The following DLGAP2 variants were observed in gnomAD, a reference collection of about 807,000 sequenced individuals.
DLGAP2 encodes the protein disks large-associated protein 2.
DLGAP2 carries 26 observed loss-of-function variants against 100.3 expected under a neutral mutation model. That is an observed-to-expected ratio of 0.26 (90% CI 0.19 to 0.36). The LOEUF (loss-of-function observed/expected upper bound fraction) is 0.36. Ranked by LOEUF, DLGAP2 falls within the 10% of genes least tolerant of loss-of-function variation. The probability of loss-of-function intolerance (pLI) is 1.00; values close to 1 mark genes in which losing one functional copy is unlikely to be tolerated. For missense variants in DLGAP2, 1,858 were observed against 1,453.2 expected (o/e 1.28, Z -4.53); for synonymous variants, 886 against 630.1 (o/e 1.41, Z -6.08).
intron 5 of DLGAP2, among the ~76,000 whole-genome samples, chr8:1,551,884 G>T (rs1801779974): frequency 6.6e-6 from 1 of 152,178 alleles, no homozygotes; most frequent in Non-Finnish European, 1.5e-5. Context: ...ACTGTCTCTT[G>T]TTGGCTTTTA....
At chr8:771,676 G>C (rs573811744) in intron 1 of DLGAP2, among the ~76,000 whole-genome samples, 9 of 152,214 alleles carry the variant, frequency 5.9e-5, no homozygotes, top group East Asian at 3.9e-4. Context: ...CATTGAACAC[G>C]ACGTGGCCTC....
chr8:1,053,025 C>G (rs898331887), intron 2 of DLGAP2, among the ~76,000 whole-genome samples: 4 of 152,168 alleles, frequency 2.6e-5, no homozygotes, highest in African/African-American at 7.2e-5. Flanking sequence ...TGCGGAGTTG[C>G]TGTAGGATGT....
chr8:1,627,882 C>T (rs1797546680), intron 7 of DLGAP2, among the ~76,000 whole-genome samples: 1 of 144,486 alleles, frequency 6.9e-6, no homozygotes, highest in South Asian at 2.3e-4. Flanking sequence ...TACTGTGGAG[C>T]AGGAATTAAG....
intron 3 of DLGAP2, among the ~76,000 whole-genome samples, chr8:1,442,486 A>G (rs1178326561): frequency 6.9e-6 from 1 of 144,916 alleles, no homozygotes; most frequent in Non-Finnish European, 1.5e-5. Context: ...GGGTTCAGCC[A>G]CTGGGGGAGA....
chr8:1,421,045 C>G (rs2129934278), intron 3 of DLGAP2, among the ~76,000 whole-genome samples: 1 of 152,314 alleles, frequency 6.6e-6, no homozygotes, highest in South Asian at 2.1e-4. Flanking sequence ...GACTTCCCAA[C>G]TCAGAATAAT....
At chr8:840,016 C>T (rs1373247606) in intron 1 of DLGAP2, among the ~76,000 whole-genome samples, 19 of 135,670 alleles carry the variant, frequency 1.4e-4, no homozygotes, top group Middle Eastern at 4.5e-3. Context: ...TCCCCACACT[C>T]TGGATTCTGC....
intron 3 of DLGAP2, among the ~76,000 whole-genome samples, chr8:1,392,167 A>G (rs1277599745): frequency 6.6e-6 from 1 of 152,154 alleles, no homozygotes. Context: ...AGAAAACAAG[A>G]CCCCTGAGTT....
intron 2 of DLGAP2, among the ~76,000 whole-genome samples, chr8:1,172,766 A>G (rs868408561): frequency 6.2e-4 from 95 of 152,178 alleles, no homozygotes; most frequent in Middle Eastern, 3.4e-3. Flanking sequence ...TGTATTGGTT[A>G]TTCTAGTTAT....
At chr8:1,335,931 G>A (rs949386201) in intron 3 of DLGAP2, among the ~76,000 whole-genome samples, 8 of 151,802 alleles carry the variant, frequency 5.3e-5, no homozygotes, top group Admixed American at 4.6e-4. Flanking sequence ...CCGGGGCTGC[G>A]CGTGGTGACG....
At chr8:1,377,417 G>A (rs540164870) in intron 3 of DLGAP2, among the ~76,000 whole-genome samples, 111 of 152,340 alleles carry the variant, frequency 7.3e-4, no homozygotes, top group African/African-American at 2.2e-3. Flanking sequence ...GGTGGCAGGC[G>A]CCTATAGTCG....
rs534491637 is a variant in DLGAP2 at position 880,536 on chromosome 8, C to T, written c.19-27376C>T. On this transcript the variant is annotated intron_variant, in intron 1 of 14. Coordinates refer to ENST00000637795, the MANE Select transcript of DLGAP2 (RefSeq NM_001346810.2). The stretch of plus-strand genomic sequence containing the variant: ...TGACCGTCCAGTGTGTGTCCCCTCT[C>T]CAGCCCTTGCCTGCGACATGGCATC... 2.7e-4 allele frequency among the ~76,000 whole-genome samples: 41 copies of T among 150,890 alleles called. 1 individual carries two copies. Among genetic ancestry groups the T allele is most frequent in the Middle Eastern group, 3.4e-3 (1 of 292 alleles).
At chr8:1,130,036 C>G (rs540711364) in intron 2 of DLGAP2, among the ~76,000 whole-genome samples, 19 of 152,248 alleles carry the variant, frequency 1.2e-4, no homozygotes, top group East Asian at 5.8e-4. Context: ...TCGGGCACTT[C>G]ACACAAGTTA....
intron 3 of DLGAP2, among the ~76,000 whole-genome samples, chr8:1,330,704 T>A (rs1282824974): frequency 4.4e-5 from 5 of 112,548 alleles, no homozygotes; most frequent in East Asian, 3.1e-4. Flanking sequence ...TGGGTGGGAT[T>A]GAGTTCTGGG....
intron 2 of DLGAP2, among the ~76,000 whole-genome samples, chr8:993,850 T>G (rs1428345373): frequency 6.7e-6 from 1 of 148,162 alleles, no homozygotes; most frequent in Non-Finnish European, 1.5e-5. Flanking sequence ...TGAGGGCCTT[T>G]CTAGGGCCTT....
chr8:1,032,417 C>G (rs189692843), intron 2 of DLGAP2, among the ~76,000 whole-genome samples: 1 of 152,186 alleles, frequency 6.6e-6, no homozygotes, highest in Non-Finnish European at 1.5e-5. Flanking sequence ...CTTGAGCCAG[C>G]GCACGATGGA....
At chr8:1,163,066 T>C (rs2129052842) in intron 2 of DLGAP2, among the ~76,000 whole-genome samples, 1 of 152,056 alleles carries the variant, frequency 6.6e-6, no homozygotes, top group East Asian at 1.9e-4. Flanking sequence ...GAACGTGGAG[T>C]CCTCGGCTGG....
intron 2 of DLGAP2, chr8:1,105,099 G>A (rs943655552): frequency 1.3e-5 from 2 of 152,346 alleles, no homozygotes; most frequent in Admixed American, 1.3e-4. Context: ...TGTGTTGAAG[G>A]AGGCCCACGG....
chr8:1,655,220 A>G (rs1031992194), intron 8 of DLGAP2, among the ~76,000 whole-genome samples: 15 of 152,178 alleles, frequency 9.9e-5, no homozygotes, highest in African/African-American at 3.4e-4. Context: ...GTCCTGTCTG[A>G]TTTATTCTTC....
rs1406609884 is a variant in DLGAP2, at chr8:1,707,244, A to C, written c.*5838A>C. 2.0e-5 allele frequency: 3 copies of C among 152,626 alleles called. No individual in the cohort carries two copies. The highest frequency in any genetic ancestry group is 6.5e-5 in the Admixed American group (1 of 15,278). The allele number at this position is 152,626 out of a possible 1,614,324, so 9.5% of individuals were successfully genotyped here. On this transcript the variant is annotated 3_prime_UTR_variant, in exon 15 of 15. Transcript: ENST00000637795. ...TGGAGGAGAGGTGATAATGAATGAA[A>C]AGATTGACACCAGGTTTCTTGGACA...
Sources: allele counts gnomAD v4.1 joint callset (sites outside exome capture counted in the v4.1 genomes callset), GRCh38; gene constraint gnomAD v4.1.1; transcripts MANE v1.5; gene names NCBI Gene and HGNC (gene_info 2026-07-23, HGNC 2026-07-21).